Variants in ZNF239 observed in about 807,000 individuals in gnomAD.
ZNF239 encodes zinc finger protein 239.
Under a neutral mutation model 27.5 loss-of-function variants are expected in ZNF239, and 16 were observed. The observed-to-expected ratio is 0.58, with a 90% CI of 0.39 to 0.88. ZNF239 has a LOEUF of 0.88. Ranked by LOEUF, ZNF239 falls within the 40% of genes least tolerant of loss-of-function variation. The pLI is 0.00. For synonymous variants in ZNF239, 199 were observed against 192.6 expected (o/e 1.03, Z -0.27); for missense variants, 527 against 551.9 (o/e 0.95, Z 0.45).
intron 2 of ZNF239, among the ~76,000 whole-genome samples, chr10:43,572,471 T>C (rs1415783220): frequency 6.6e-6 from 1 of 152,240 alleles, no homozygotes. Context: ...AAACATTTTT[T>C]TTCCCTTAAA....
In ZNF239 at chr10:43,557,854, C is replaced by G; in HGVS notation, c.226G>C (p.Asp76His). 2 of 1,614,198 alleles carry G rather than the reference C, an allele frequency of 1.2e-6. No homozygotes were observed. The highest frequency in any genetic ancestry group is 1.7e-6 in the Non-Finnish European group (2 of 1,180,028). ...TTCTTACAGAACTTCACTGAAGAGT[C>G]TTGTGTGTCTATTTGGCTTGAGACT... ...LKVSSQIDTQDSSVKFCKNEP... is the reference protein window; with the variant it reads ...LKVSSQIDTQHSSVKFCKNEP... Residue 76 changes from aspartate to histidine, a missense_variant, in exon 4 of 4, where the codon GAC becomes CAC. Asp to His is a moderately conservative substitution (Grantham distance 81). Coordinates refer to ENST00000374446, the MANE Select transcript of ZNF239 (RefSeq NM_001099282.2).
At chr10:43,564,251 A>C (rs1837479658) in intron 3 of ZNF239, 1 of 978,038 alleles carries the variant, frequency 1.0e-6, no homozygotes, top group African/African-American at 1.8e-5. Context: ...GTTCTCTCAG[A>C]GCGGTGTTCC....
At position 43,556,994 on chromosome 10, in the gene ZNF239, A is replaced by C. The variant is rs138483093; in HGVS notation, c.1086T>G (p.Leu362=). ...CTGTGTGGATGCACCGGTGAATGTGAAGGTTCGAGCTCTGACTGAAGCCCT... is the reference window on the plus strand; with the variant it reads ...CTGTGTGGATGCACCGGTGAATGTGCAGGTTCGAGCTCTGACTGAAGCCCT... ...CGKGFSQSSN[L]HIHRCIHTGE... The change falls in exon 4 of 4, where the codon CTT becomes CTG. Residue 362 remains leucine, a synonymous_variant. Coordinates refer to ENST00000374446, the MANE Select transcript of ZNF239 (RefSeq NM_001099282.2). 3 of 1,612,678 alleles carry C rather than the reference A, an allele frequency of 1.9e-6. 1 individual carries two copies. Among genetic ancestry groups the C allele is most frequent in the Non-Finnish European group, 2.5e-6 (3 of 1,179,654 alleles).
intron 2 of ZNF239, 90 bp from the exon 3 acceptor site, chr10:43,568,111 A>G: frequency 1.0e-6 from 1 of 985,686 alleles, no homozygotes; most frequent in Non-Finnish European, 1.2e-6. Flanking sequence ...TGGAAAAGGT[A>G]AGAAAGGTAT....
chr10:43,566,532 C>A (rs978410451), intron 3 of ZNF239, among the ~76,000 whole-genome samples: 2 of 152,148 alleles, frequency 1.3e-5, no homozygotes, highest in Non-Finnish European at 2.9e-5. Context: ...GCCATCTGCC[C>A]GCCTTAGCCT....
Position 43,557,672 on chromosome 10 carries a change from TGCCTCACCATTTAACAATGGCGAG to T in ZNF239, c.384_407del (p.Ser129_Ala136del). On this transcript the variant is annotated inframe_deletion, in exon 4 of 4. Coordinates refer to ENST00000374446, the MANE Select transcript of ZNF239 (RefSeq NM_001099282.2). ...CTTTTAACTGGCCATTCTGGCAAGT[TGCCTCACCATTTAACAATGGCGAG>T]GCCAGTTCTTGTCCATCAGACACCA... 6.2e-7 allele frequency: 1 copy of T among 1,614,214 alleles called. No individual in the cohort carries two copies. Among genetic ancestry groups the T allele is most frequent in the African/African-American group, 1.3e-5 (1 of 75,078 alleles).
chr10:43,558,922 T>C (rs1382985846), intron 3 of ZNF239, among the ~76,000 whole-genome samples: 1 of 151,534 alleles, frequency 6.6e-6, no homozygotes, highest in Non-Finnish European at 1.5e-5. Flanking sequence ...TATAGTACAA[T>C]ACAGTACAAG....
At position 43,557,244 on chromosome 10, in the gene ZNF239, A is replaced by G; in HGVS notation, c.836T>C (p.Leu279Pro). ...GKGFTRSSSL[L>P]IHHAVHTGEK... Reference sequence around the variant, plus strand: ...GCCTGTATGGACGGCATGATGGATGAGCAGACTTGAGCTCCTGGTGAAGCC... The same window carrying G: ...GCCTGTATGGACGGCATGATGGATGGGCAGACTTGAGCTCCTGGTGAAGCC... Residue 279 changes from leucine (L) to proline (P), a missense_variant, in exon 4 of 4, where the codon CTC becomes CCC. Coordinates refer to ENST00000374446, the MANE Select transcript of ZNF239 (RefSeq NM_001099282.2). 1 of 1,611,812 alleles carries G rather than the reference A, an allele frequency of 6.2e-7. No individual in the cohort carries two copies. Among genetic ancestry groups the G allele is most frequent in the South Asian group, 1.1e-5 (1 of 90,952 alleles).
Position 43,556,763 on chromosome 10 carries a change from G to A in ZNF239, c.1317C>T (p.Gly439=), listed in dbSNP as rs1836766362. Residue 439 remains glycine, a synonymous_variant, in exon 4 of 4, where the codon GGC becomes GGT. Coordinates refer to ENST00000374446, the MANE Select transcript of ZNF239 (RefSeq NM_001099282.2). ...TGTGAAGGTTGGAGCTCTGGCTGAA[G>A]CCCTTCCCACACTTGCTGCACTCAT... ...KPYECSKCGK[G]FSQSSNLHIH... The A allele has an allele frequency of 3.1e-6, 5 of 1,614,052 alleles. No homozygotes were observed. The highest frequency in any genetic ancestry group is 4.2e-6 in the Non-Finnish European group (5 of 1,180,006).
rs1836812667 is a variant in ZNF239 at position 43,557,138 on chromosome 10, AGT to A, written c.940_941del (p.Thr314TrpfsTer6). 6.2e-7 allele frequency: 1 copy of A among 1,611,344 alleles called. No individual in the cohort carries two copies. The highest frequency in any genetic ancestry group is 1.3e-5 in the African/African-American group (1 of 74,250). On this transcript the variant is annotated frameshift_variant, in exon 4 of 4. Transcript: ENST00000374446. LOFTEE classifies it high-confidence loss of function. ...CCTCACACTCATAGGGCTTCTCTCC[AGT>A]GTGGACTCGCTGGTGGATGTGCAGT... Reference protein sequence around the residue: ...SKLHIHQRVHTGEKPYECEEC... With the variant: ...SKLHIHQRVHXGEKPYECEEC...
At chr10:43,560,932 A>T (rs559723152) in intron 3 of ZNF239, among the ~76,000 whole-genome samples, 1 of 152,314 alleles carries the variant, frequency 6.6e-6, no homozygotes, top group South Asian at 2.1e-4. Flanking sequence ...AAATATAAAC[A>T]TATTGCTATG....
At chr10:43,564,219 AC>A in intron 3 of ZNF239, 1 of 881,392 alleles carries the variant, frequency 1.1e-6, no homozygotes, top group Non-Finnish European at 1.4e-6. Flanking sequence ...CACATACACA[AC>A]CCGCATTCCA....
At chr10:43,564,244 C>A (rs1473256416) in intron 3 of ZNF239, 1 of 974,260 alleles carries the variant, frequency 1.0e-6, no homozygotes, top group Non-Finnish European at 1.2e-6. Flanking sequence ...CGTCTTTGTT[C>A]TCTCAGAGCG....
chr10:43,559,100 G>A (rs1003658063), intron 3 of ZNF239, among the ~76,000 whole-genome samples: 2 of 152,102 alleles, frequency 1.3e-5, no homozygotes, highest in East Asian at 1.9e-4. Context: ...AACTACAAGC[G>A]GCTTCTTACG....
Position 43,556,621 on chromosome 10 carries a change from G to A in ZNF239, c.*82C>T. 1 of 1,482,756 alleles carries A rather than the reference G, an allele frequency of 6.7e-7. No homozygotes were observed. Among genetic ancestry groups the A allele is most frequent in the South Asian group, 1.3e-5 (1 of 75,206 alleles). 91.8% of individuals were successfully genotyped at this position (1,482,756 alleles called of 1,614,324 possible). A position where few individuals can be genotyped will look rare whatever the true frequency, so the allele number is the denominator to read the frequency against. ...AACCCTTACATCTCTCTCCTTTGTA[G>A]AATATAAAGTAAGAGTGATACTAAA... On this transcript the variant is annotated 3_prime_UTR_variant, in exon 4 of 4. Transcript: ENST00000374446.
At position 43,558,136 on chromosome 10, in the gene ZNF239, G is replaced by C. The variant is rs1836943548; in HGVS notation, c.-57C>G. 2 of 1,532,420 alleles carry C rather than the reference G, an allele frequency of 1.3e-6. No individual in the cohort carries two copies. The highest frequency in any genetic ancestry group is 8.8e-7 in the Non-Finnish European group (1 of 1,140,038). The allele number at this position is 1,532,420 out of a possible 1,614,324, so 94.9% of individuals were successfully genotyped here. On this transcript the variant is annotated 5_prime_UTR_variant, in exon 4 of 4. Coordinates refer to ENST00000374446, the MANE Select transcript of ZNF239 (RefSeq NM_001099282.2). ...TGTAACAGATCCTGAAGTGTTTTCTGCTGAAGATTCTCCACAGAATTTTCA... is the reference window on the plus strand; with the variant it reads ...TGTAACAGATCCTGAAGTGTTTTCTCCTGAAGATTCTCCACAGAATTTTCA...
intron 3 of ZNF239, among the ~76,000 whole-genome samples, chr10:43,565,550 A>G (rs1395667533): frequency 2.0e-5 from 3 of 152,176 alleles, no homozygotes; most frequent in Non-Finnish European, 4.4e-5. Flanking sequence ...CTGATGATGT[A>G]ACTTAAAACC....
intron 3 of ZNF239, among the ~76,000 whole-genome samples, chr10:43,560,093 G>A (rs1837114522): frequency 6.6e-6 from 1 of 152,150 alleles, no homozygotes; most frequent in Non-Finnish European, 1.5e-5. Context: ...GCTAGTTTTT[G>A]CTGTTAGCAG....
chr10:43,570,559 T>C, intron 2 of ZNF239: 1 of 985,148 alleles, frequency 1.0e-6, no homozygotes, highest in Non-Finnish European at 1.2e-6. Context: ...ATCTTTTCTC[T>C]CCCTTATTTT....
Sources: gnomAD v4.1 joint callset for allele counts (sites outside exome capture counted in the v4.1 genomes callset) on GRCh38, gnomAD v4.1.1 for gene constraint, MANE v1.5 for transcripts, NCBI Gene and HGNC (gene_info 2026-07-23, HGNC 2026-07-21) for gene names.